Variants in SYS1 observed in about 807,000 individuals in gnomAD.
The protein encoded by SYS1 is protein SYS1 homolog.
Under a neutral mutation model 17.8 loss-of-function variants are expected in SYS1, and 8 were observed. The observed-to-expected ratio is 0.45, with a 90% confidence interval of 0.26 to 0.81. The LOEUF (loss-of-function observed/expected upper bound fraction) is 0.81, where lower values mean the gene tolerates loss of function less well. SYS1 is among the 40% of genes least tolerant of loss of function. SYS1 has a pLI of 0.16. For synonymous variants in SYS1, 95 were observed against 90.9 expected (o/e 1.05, Z -0.26); for missense variants, 161 against 203.9 (o/e 0.79, Z 1.28).
rs1988445426 is a variant in SYS1, at chr20:45,367,165, G to A, written c.*50G>A. The A allele has an allele frequency of 6.2e-7, 1 of 1,603,878 alleles. No homozygotes were observed. The highest frequency in any genetic ancestry group is 2.2e-5 in the East Asian group (1 of 44,796). On this transcript the variant is annotated 3_prime_UTR_variant, in exon 4 of 4. Coordinates refer to ENST00000243918, the MANE Select transcript of SYS1 (RefSeq NM_033542.4). ...TGACACTTGGGCCCCTTAACACCTT[G>A]GGCTGCTCAGACCCTCCAGATGAGG...
rs1411201804 is a variant in SYS1 at position 45,367,433 on chromosome 20, G to GA, written c.*326dup. On this transcript the variant is annotated 3_prime_UTR_variant, in exon 4 of 4. Coordinates refer to ENST00000243918, the MANE Select transcript of SYS1 (RefSeq NM_033542.4). ...GTCACCAGCCTGTTGTTTTAAGAGA[G>GA]AAAAAAAATCAAGGATATCTGATTG... is the stretch of plus-strand genomic sequence containing the variant. 1.2e-5 allele frequency: 14 copies of GA among 1,152,262 alleles called. No individual in the cohort carries two copies. Among genetic ancestry groups the GA allele is most frequent in the East Asian group, 1.1e-4 (2 of 18,156 alleles). 71.4% of individuals were successfully genotyped at this position (1,152,262 alleles called of 1,614,324 possible).
Position 45,363,179 on chromosome 20 carries a change from C to G in SYS1, c.-140C>G. On this transcript the variant is annotated 5_prime_UTR_variant, in exon 1 of 4. Transcript: ENST00000243918. ...TTCTTTCCTACGCAGCCGCTCCTGC[C>G]GCCGTGGTCGCTGGAGCTTTGCCTC... 9.5e-7 allele frequency: 1 copy of G among 1,048,532 alleles called. No homozygotes were observed. Among genetic ancestry groups the G allele is most frequent in the Non-Finnish European group, 1.2e-6 (1 of 868,422 alleles). The allele number at this position is 1,048,532 out of a possible 1,614,324, so 65.0% of individuals were successfully genotyped here. A position where few individuals can be genotyped will look rare whatever the true frequency, so the allele number is the denominator to read the frequency against.
At position 45,367,337 on chromosome 20, in the gene SYS1, A is replaced by G. The variant is rs1988449926; in HGVS notation, c.*222A>G. ...GTCTGTTGAAGCCTTGGTATCTGAG[A>G]GGTCAGGAAGGGGACCTCTTTGAGG... On this transcript the variant is annotated 3_prime_UTR_variant, in exon 4 of 4. Coordinates refer to ENST00000243918, the MANE Select transcript of SYS1 (RefSeq NM_033542.4). The G allele has an allele frequency of 1.4e-6, 2 of 1,385,920 alleles. No individual in the cohort carries two copies. Among genetic ancestry groups the G allele is most frequent in the Non-Finnish European group, 1.9e-6 (2 of 1,070,062 alleles). 85.9% of individuals were successfully genotyped at this position (1,385,920 alleles called of 1,614,324 possible).
At chr20:45,375,019 A>C in exon 4 of SYS1, 1 of 1,603,400 alleles carries the variant, frequency 6.2e-7, no homozygotes, top group Non-Finnish European at 8.5e-7. Context: ...CTAGCCTGGC[A>C]GTGTTGTTGT....
rs1370640950 is a variant in SYS1 at position 45,367,070 on chromosome 20, G to A, written c.426G>A (p.Glu142=). ...VIGEYLCMRT[E]LKEIPLNSAP... is the part of the protein sequence containing the mutation. ...GGGAGTACCTGTGCATGCGGACGGA[G>A]CTCAAGGAGATACCCCTCAACTCAG... Residue 142 remains glutamate, a synonymous_variant, in exon 4 of 4, where the codon GAG becomes GAA. Coordinates refer to ENST00000243918, the MANE Select transcript of SYS1 (RefSeq NM_033542.4). 1.2e-6 allele frequency: 2 copies of A among 1,614,190 alleles called. No individual in the cohort carries two copies. Among genetic ancestry groups the A allele is most frequent in the South Asian group, 1.1e-5 (1 of 91,088 alleles).
exon 4 of SYS1, chr20:45,375,788 A>G: frequency 3.7e-6 from 2 of 547,070 alleles, no homozygotes; most frequent in Non-Finnish European, 6.4e-6. Context: ...GCCCCTAAGA[A>G]TGAATATTGT....
At chr20:45,373,617 T>C, downstream of SYS1, 3 of 446,194 alleles carry the variant, frequency 6.7e-6, no homozygotes, top group Non-Finnish European at 1.2e-5. Flanking sequence ...GGTTTCCTCT[T>C]GCGAGCTCGC....
Position 45,369,008 on chromosome 20 carries a change from C to T in SYS1, c.*1893C>T, listed in dbSNP as rs760601385. On this transcript the variant is annotated 3_prime_UTR_variant, in exon 4 of 4. Coordinates refer to ENST00000243918, the MANE Select transcript of SYS1 (RefSeq NM_033542.4). ...GATTTTTAGAAATGGCCAAAAGTCA[C>T]GTGATCCAAACTTTTTTTCAGTAAT... is the stretch of plus-strand genomic sequence containing the variant. The T allele has an allele frequency of 1.4e-4, 64 of 462,628 alleles. No individual in the cohort carries two copies. The highest frequency in any genetic ancestry group is 1.8e-4 in the Non-Finnish European group (63 of 351,816). The allele number at this position is 462,628 out of a possible 1,614,324, so 28.7% of individuals were successfully genotyped here.
chr20:45,364,719 C>T (rs111480943), intron 2 of SYS1, among the ~76,000 whole-genome samples: 2,873 of 152,124 alleles, frequency 0.019, 43 homozygotes, highest in East Asian at 0.072. Flanking sequence ...GATCCGCCTG[C>T]CTCGGCCTCC....
chr20:45,370,772 G>A (rs1429952860), downstream of SYS1, among the ~76,000 whole-genome samples: 1 of 152,156 alleles, frequency 6.6e-6, no homozygotes, highest in Non-Finnish European at 1.5e-5. Context: ...GCAGCCCAGG[G>A]ACCACGGAGT....
At chr20:45,364,005 C>T (rs2743419) in intron 2 of SYS1, among the ~76,000 whole-genome samples, 119,232 of 152,094 alleles carry the variant, frequency 0.78, 46,978 homozygotes, top group African/African-American at 0.83. Context: ...TCAGGTGCCA[C>T]ATCGGAGAGA....
chr20:45,366,722 A>G (rs375112226), intron 3 of SYS1, among the ~76,000 whole-genome samples, 153 bp from the exon 4 acceptor site: 98 of 152,306 alleles, frequency 6.4e-4, no homozygotes, highest in African/African-American at 2.2e-3. Context: ...ATTACCCGCC[A>G]GGTTCTTCTA....
At chr20:45,362,978 C>A (rs1242581161), upstream of SYS1, 2 of 452,824 alleles carry the variant, frequency 4.4e-6, no homozygotes, top group Non-Finnish European at 5.8e-6. Context: ...CTAGAGGGCG[C>A]GCAAGCTCTG....
At chr20:45,370,546 C>A (rs1933784698), downstream of SYS1, among the ~76,000 whole-genome samples, 1 of 152,092 alleles carries the variant, frequency 6.6e-6, no homozygotes, top group Non-Finnish European at 1.5e-5. Flanking sequence ...CATATCAGTG[C>A]CAAATGAGAG....
At chr20:45,366,821 T>C in intron 3 of SYS1, 54 bp from the exon 4 acceptor site, 1 of 1,496,366 alleles carries the variant, frequency 6.7e-7, no homozygotes. Flanking sequence ...CCCTCCCAAA[T>C]AACCTAAGGC....
chr20:45,364,079 G>A (rs1397672825), intron 2 of SYS1, among the ~76,000 whole-genome samples: 1 of 152,204 alleles, frequency 6.6e-6, no homozygotes, highest in African/African-American at 2.4e-5. Context: ...GGGTCAGACA[G>A]GCGTCCGTTT....
intron 3 of SYS1, 85 bp downstream of exon 3, chr20:45,365,771 C>T: frequency 1.4e-6 from 2 of 1,399,292 alleles, no homozygotes; most frequent in Non-Finnish European, 2.0e-6. Flanking sequence ...GACAGGCTGG[C>T]ACTTGTTTCT....
rs1988441438 is a variant in SYS1, at chr20:45,367,071, C to T, written c.427C>T (p.Leu143Phe). Residue 143 changes from leucine to phenylalanine, a missense_variant, in exon 4 of 4, where the codon CTC (leucine) becomes TTC (phenylalanine). Physicochemically the swap from Leu to Phe is conservative, Grantham distance 22 (BLOSUM62 0). Transcript: ENST00000243918. ...IGEYLCMRTE[L>F]KEIPLNSAPK... ...GGAGTACCTGTGCATGCGGACGGAG[C>T]TCAAGGAGATACCCCTCAACTCAGC... 6.2e-7 allele frequency: 1 copy of T among 1,614,196 alleles called. No homozygotes were observed.
At chr20:45,373,825 AG>A, downstream of SYS1, 1 of 1,354,204 alleles carries the variant, frequency 7.4e-7, no homozygotes, top group Admixed American at 1.7e-5. Flanking sequence ...CCTCTACCGA[AG>A]GCCTCTTTCC....
Sources: allele counts gnomAD v4.1 joint callset (sites outside exome capture counted in the v4.1 genomes callset), GRCh38; gene constraint gnomAD v4.1.1; transcripts MANE v1.5; gene names NCBI Gene and HGNC (gene_info 2026-07-23, HGNC 2026-07-21).